Variants in DERL2 observed in about 807,000 individuals in gnomAD.
DERL2 encodes the protein derlin-2.
DERL2 carries 13 observed loss-of-function variants against 32.0 expected under a neutral mutation model. The ratio of observed to expected loss-of-function variants is 0.41; its 90% CI spans 0.26 to 0.65. DERL2 has a LOEUF of 0.65. DERL2 is among the 30% of genes least tolerant of loss of function. The pLI is 0.35. For missense variants in DERL2, 208 were observed against 296.3 expected (o/e 0.70, Z 2.19); for synonymous variants, 111 against 104.7 (o/e 1.06, Z -0.37).
In DERL2 at chr17:5,486,135, C is replaced by T; in HGVS notation, c.27G>A (p.Glu9=). The change falls in exon 1 of 7, where the codon GAG becomes GAA. Residue 9 remains glutamate, a synonymous_variant. Transcript: ENST00000158771. ...GGCTGACCGGTGGGATCTGCAGGTA[C>T]TCCAGCCGCAAGCTCTGGTACGCCA... MAYQSLRL[E]YLQIPPVSRA... 31 of 1,610,230 alleles carry T rather than the reference C, an allele frequency of 1.9e-5. No homozygotes were observed. The highest frequency in any genetic ancestry group is 2.6e-5 in the Non-Finnish European group (31 of 1,178,462).
In DERL2 at chr17:5,473,891, T is replaced by G. The variant is rs1905234246; in HGVS notation, c.*793A>C. On this transcript the variant is annotated 3_prime_UTR_variant, in exon 7 of 7. Transcript: ENST00000158771. ...CAAAAATGTGGCCCTTACCAATCTT[T>G]CCCTGGATACTTCTTAATGGAGAAA... 1 of 152,164 alleles carries G rather than the reference T, an allele frequency of 6.6e-6. No individual in the cohort carries two copies. Among genetic ancestry groups the G allele is most frequent in the Non-Finnish European group, 1.5e-5 (1 of 68,020 alleles). The allele number at this position is 152,164 out of a possible 1,614,324, so 9.4% of individuals were successfully genotyped here.
chr17:5,483,669 C>T (rs1238111280), intron 2 of DERL2, among the ~76,000 whole-genome samples: 2 of 152,190 alleles, frequency 1.3e-5, no homozygotes, highest in Non-Finnish European at 2.9e-5. Context: ...TAGCTGAATA[C>T]TAGTTATTCA....
intron 2 of DERL2, 30 bp downstream of exon 2, chr17:5,485,121 C>A (rs777917332): frequency 7.7e-6 from 11 of 1,429,286 alleles, no homozygotes. Flanking sequence ...GAAACTGAAG[C>A]ATTAATCACT....
Position 5,471,434 on chromosome 17 carries a change from T to C in DERL2, c.*3250A>G, listed in dbSNP as rs544669983. The C allele has an allele frequency of 2.8e-4, 42 of 152,312 alleles. No homozygotes were observed. Among genetic ancestry groups the C allele is most frequent in the African/African-American group, 9.1e-4 (38 of 41,574 alleles). The allele number at this position is 152,312 out of a possible 1,614,324, so 9.4% of individuals were successfully genotyped here. On this transcript the variant is annotated 3_prime_UTR_variant, in exon 7 of 7. Transcript: ENST00000158771. ...GGAACAGTACAAGACAATATATAATTTGGCGTTAAGAATGTCATACAGACT... is the reference window on the plus strand; with the variant it reads ...GGAACAGTACAAGACAATATATAATCTGGCGTTAAGAATGTCATACAGACT...
rs190547387 is a variant in DERL2, at chr17:5,473,397, T to C, written c.*1287A>G. 1.1e-4 allele frequency: 16 copies of C among 152,298 alleles called. No homozygotes were observed. The highest frequency in any genetic ancestry group is 3.4e-4 in the African/African-American group (14 of 41,556). 9.4% of individuals were successfully genotyped at this position (152,298 alleles called of 1,614,324 possible). ...ATTAAGTGTCTACTTCTGTGGACCC[T>C]GTCTAATTTCTACCTGATTGGGAAG... On this transcript the variant is annotated 3_prime_UTR_variant, in exon 7 of 7. Coordinates refer to ENST00000158771, the MANE Select transcript of DERL2 (RefSeq NM_016041.5).
At chr17:5,485,840 G>A (rs552517851) in intron 1 of DERL2, 10 of 415,980 alleles carry the variant, frequency 2.4e-5, no homozygotes, top group East Asian at 2.1e-4. Flanking sequence ...TATAGGTCCG[G>A]CGCTCATCTC....
intron 1 of DERL2, among the ~76,000 whole-genome samples, 193 bp from the exon 2 acceptor site, chr17:5,485,409 A>G (rs1472495178): frequency 6.6e-6 from 1 of 152,210 alleles, no homozygotes; most frequent in Non-Finnish European, 1.5e-5. Context: ...TTGTATCCTC[A>G]ATACCTAACA....
intron 6 of DERL2, among the ~76,000 whole-genome samples, chr17:5,475,258 ATTTTT>A (rs542436073): frequency 7.0e-6 from 1 of 141,930 alleles, no homozygotes; most frequent in Non-Finnish European, 1.6e-5. Flanking sequence ...ATATAATAGA[ATTTTT>A]TTTTTTTTTT....
intron 6 of DERL2, among the ~76,000 whole-genome samples, chr17:5,475,348 C>T (rs574625832): frequency 8.6e-5 from 13 of 151,890 alleles, no homozygotes; most frequent in Admixed American, 8.5e-4. Flanking sequence ...CAACCTCCGC[C>T]TCCCGGATTC....
intron 2 of DERL2, among the ~76,000 whole-genome samples, chr17:5,483,320 G>C (rs1440323568): frequency 3.4e-5 from 5 of 147,734 alleles, no homozygotes; most frequent in Non-Finnish European, 3.0e-5. Context: ...CTAAAAGAAA[G>C]GAAAATTCTT....
chr17:5,485,991 G>A (rs1354940163), intron 1 of DERL2, 78 bp downstream of exon 1: 2 of 1,387,986 alleles, frequency 1.4e-6, no homozygotes, highest in African/African-American at 1.4e-5. Context: ...GGGCCTCCCC[G>A]AGGCCCAAAC....
rs771280170 is a variant in DERL2 at position 5,486,121 on chromosome 17, G to A, written c.41C>T (p.Pro14Leu). The A allele has an allele frequency of 2.5e-6, 4 of 1,611,420 alleles. No homozygotes were observed. The highest frequency in any genetic ancestry group is 3.4e-6 in the Non-Finnish European group (4 of 1,179,050). ...AGTGGTGTAGGCGCGGCTGACCGGTGGGATCTGCAGGTACTCCAGCCGCAA... is the reference window on the plus strand; with the variant it reads ...AGTGGTGTAGGCGCGGCTGACCGGTAGGATCTGCAGGTACTCCAGCCGCAA... ...QSLRLEYLQIPPVSRAYTTAC... is the reference protein window; with the variant it reads ...QSLRLEYLQILPVSRAYTTAC... The change falls in exon 1 of 7, where the codon CCA (proline) becomes CTA (leucine). Residue 14 changes from proline to leucine, a missense_variant. Pro to Leu is a moderately conservative substitution (Grantham distance 98, BLOSUM62 -3). This residue lies in a region of DERL2 where 44 missense variants were observed against 42.3 expected (regional missense o/e 1.04). Coordinates refer to ENST00000158771, the MANE Select transcript of DERL2 (RefSeq NM_016041.5).
chr17:5,486,179 G>GCCCCCCCCCCCCCCCCCCCCCCTTC, upstream of DERL2: 2 of 1,540,442 alleles, frequency 1.3e-6, no homozygotes, highest in Non-Finnish European at 8.8e-7. Context: ...ACCGTCGCCT[G>GCCCCCCCCCCCCCCCCCCCCCCTTC]CCCCACCCCC....
At chr17:5,482,056 G>A (rs1321819492) in intron 3 of DERL2, among the ~76,000 whole-genome samples, 4 of 152,146 alleles carry the variant, frequency 2.6e-5, no homozygotes, top group African/African-American at 7.2e-5. Context: ...GAAGAAATCC[G>A]CAGCAAGAAG....
chr17:5,480,963 G>GTC, intron 4 of DERL2: 1 of 549,576 alleles, frequency 1.8e-6, no homozygotes, highest in South Asian at 2.7e-5. Context: ...TAAGTCTATT[G>GTC]TATAGATGAA....
chr17:5,485,125 A>G (rs1051812270), intron 2 of DERL2, 26 bp downstream of exon 2: 4 of 1,451,596 alleles, frequency 2.8e-6, no homozygotes, highest in Non-Finnish European at 3.8e-6. Context: ...CTGAAGCATT[A>G]ATCACTATTG....
intron 2 of DERL2, among the ~76,000 whole-genome samples, chr17:5,484,873 C>T (rs2151710657): frequency 6.6e-6 from 1 of 152,332 alleles, no homozygotes; most frequent in East Asian, 1.9e-4. Flanking sequence ...CAAAACGATG[C>T]AGGGAACTTT....
upstream of DERL2, chr17:5,486,282 A>C: frequency 1.4e-5 from 10 of 714,124 alleles, no homozygotes; most frequent in Non-Finnish European, 2.0e-5. Flanking sequence ...CGACTGCCCA[A>C]TCAACGCCAA....
chr17:5,480,140 A>G lies in DERL2; in HGVS notation c.528T>C (p.Ile176=). 6.3e-7 allele frequency: 1 copy of G among 1,597,246 alleles called. No individual in the cohort carries two copies. Among genetic ancestry groups the G allele is most frequent in the Non-Finnish European group, 8.6e-7 (1 of 1,165,340 alleles). ...AGAAAAAATATATGTGTCCAACTGCAATACCTAGAGTCAAGCAGAAATAAA... is the reference window on the plus strand; with the variant it reads ...AGAAAAAATATATGTGTCCAACTGCGATACCTAGAGTCAAGCAGAAATAAA... ...GNSIIVDLLG[I]AVGHIYFFLE... is the part of the protein sequence containing the mutation. The change falls in exon 6 of 7, where the codon ATT becomes ATC. Residue 176 remains isoleucine, a synonymous_variant. Transcript: ENST00000158771.
Sources: gnomAD v4.1 joint callset for allele counts (sites outside exome capture counted in the v4.1 genomes callset) on GRCh38, gnomAD v4.1.1 for gene constraint, gnomAD v4.1.1 regional missense constraint, MANE v1.5 for transcripts, NCBI Gene and HGNC (gene_info 2026-07-23, HGNC 2026-07-21) for gene names.